The following SEC31B variants were observed in gnomAD, a reference collection of about 807,000 sequenced individuals.
The protein encoded by SEC31B is protein transport protein Sec31B.
SEC31B carries 113 observed loss-of-function variants against 135.0 expected under a neutral mutation model. The ratio of observed to expected loss-of-function variants is 0.84; its 90% CI spans 0.72 to 0.98. The LOEUF is 0.98. Ranked by LOEUF, SEC31B falls within the 50% of genes least tolerant of loss-of-function variation. The pLI, the probability that SEC31B is intolerant of heterozygous loss-of-function variation, is 0.00. For missense variants in SEC31B, 1,296 were observed against 1,421.1 expected, an observed-to-expected ratio of 0.91 and a Z score of 1.42; for synonymous variants, 508 against 549.4, an observed-to-expected ratio of 0.92 and a Z score of 1.05.
At chr10:100,500,295 G>A (rs554157492) in intron 11 of SEC31B, 3 of 406,232 alleles carry the variant, frequency 7.4e-6, no homozygotes, top group Non-Finnish European at 1.4e-5. Flanking sequence ...GCCTACAGTA[G>A]TCTTGTGAGT....
chr10:100,488,928 G>A lies in SEC31B; in HGVS notation c.3218C>T (p.Pro1073Leu), dbSNP rs765083454. The A allele has an allele frequency of 3.1e-6, 5 of 1,611,476 alleles. No individual in the cohort carries two copies. The highest frequency in any genetic ancestry group is 4.2e-6 in the Non-Finnish European group (5 of 1,179,192). The change falls in exon 24 of 26, where the codon CCA becomes CTA. Residue 1073 changes from proline (P) to leucine (L), a missense_variant. Coordinates refer to ENST00000370345, the MANE Select transcript of SEC31B (RefSeq NM_015490.4). Reference sequence around the variant, plus strand: ...GCTGCTCTTCAAGGACTGATGCTCTGGGGGCAGCTCCTTCCTTTCCATCTT... The same window carrying A: ...GCTGCTCTTCAAGGACTGATGCTCTAGGGGCAGCTCCTTCCTTTCCATCTT... ...PEKMERKELP[P>L]EHQSLKSSFE...
chr10:100,500,338 A>G (rs1851497706), intron 11 of SEC31B, among the ~76,000 whole-genome samples: 1 of 151,344 alleles, frequency 6.6e-6, no homozygotes, highest in African/African-American at 2.4e-5. Context: ...TTTTTTAGAC[A>G]GACTCTTGCT....
At chr10:100,516,319 G>T in intron 2 of SEC31B, 100 bp from the exon 3 acceptor site, 1 of 1,345,584 alleles carries the variant, frequency 7.4e-7, no homozygotes, top group South Asian at 1.4e-5. Context: ...GAAGAGGGCT[G>T]GGTATACCCT....
At chr10:100,508,774 C>T (rs1851681536) in intron 5 of SEC31B, 1 of 564,404 alleles carries the variant, frequency 1.8e-6, no homozygotes, top group Non-Finnish European at 3.2e-6. Context: ...ATCTGCCTCC[C>T]AGAAACTCTT....
chr10:100,491,284 AG>A (rs541961395), intron 19 of SEC31B, among the ~76,000 whole-genome samples: 1 of 152,230 alleles, frequency 6.6e-6, no homozygotes, highest in South Asian at 2.1e-4. Context: ...CTCCCAAAAA[AG>A]AAATCTCCAG....
In SEC31B at chr10:100,497,722, C is replaced by T; in HGVS notation, c.1935G>A (p.Glu645=). Residue 645 remains glutamate, a synonymous_variant, in exon 16 of 26, where the codon GAG becomes GAA. Coordinates refer to ENST00000370345, the MANE Select transcript of SEC31B (RefSeq NM_015490.4). ...AGTATGTCAGTAGCAAAGCCAGTGC[C>T]TCTCTCCAGTTCTTCAGGCTACAGG... ...VCTCSLKNWR[E]ALALLLTYSG... The T allele has an allele frequency of 6.2e-7, 1 of 1,614,234 alleles. No individual in the cohort carries two copies. Among genetic ancestry groups the T allele is most frequent in the Non-Finnish European group, 8.5e-7 (1 of 1,180,052 alleles).
intron 15 of SEC31B, 25 bp from the exon 16 acceptor site, chr10:100,497,818 G>C: frequency 6.2e-7 from 1 of 1,614,164 alleles, no homozygotes; most frequent in South Asian, 1.1e-5. Flanking sequence ...GAGGGAAAGA[G>C]ACCATCAGCC....
chr10:100,489,656 G>A lies in SEC31B; in HGVS notation c.3024+47C>T, dbSNP rs778307430. On this transcript the variant is annotated intron_variant, in intron 22 of 25. Transcript: ENST00000370345. ...GAATCCTCCAAGGAATTAGAACGTG[G>A]TCATTGGTGAATGTGCGAGGGAGTG... 1.1e-5 allele frequency: 18 copies of A among 1,613,498 alleles called. No homozygotes were observed. In the South Asian group the frequency reaches 1.9e-4, roughly 17 times the overall value.
intron 11 of SEC31B, among the ~76,000 whole-genome samples, chr10:100,501,014 C>T (rs910173240): frequency 1.3e-5 from 2 of 151,104 alleles, no homozygotes; most frequent in African/African-American, 4.9e-5. Context: ...CGAGACTAGC[C>T]TGGCCAACAT....
chr10:100,519,114 A>T (rs1262737797), intron 1 of SEC31B, among the ~76,000 whole-genome samples: 1 of 152,224 alleles, frequency 6.6e-6, no homozygotes, highest in African/African-American at 2.4e-5. Flanking sequence ...CCGGGATGTG[A>T]ACCCCCATCA....
intron 19 of SEC31B, chr10:100,495,048 G>A (rs1297652649): frequency 3.2e-5 from 10 of 315,448 alleles, no homozygotes; most frequent in South Asian, 8.4e-5. Flanking sequence ...GGATGGTCTC[G>A]AACTCCAAAC....
chr10:100,506,437 A>G lies in SEC31B; in HGVS notation c.783-17T>C. 1 of 1,612,524 alleles carries G rather than the reference A, an allele frequency of 6.2e-7. No homozygotes were observed. ...AAGATCCCCCTAAAAAGAGAAGGGA[A>G]GAGGAACTAGCATTTGTTGAATGCC... On this transcript the variant is annotated splice_polypyrimidine_tract_variant and intron_variant, in intron 7 of 25. Transcript: ENST00000370345.
chr10:100,488,881 A>G lies in SEC31B; in HGVS notation c.3265T>C (p.Cys1089Arg), dbSNP rs1250365992. Reference protein sequence around the residue: ...KSSFEALLQRCSLSATDLKTK... With the variant: ...KSSFEALLQRRSLSATDLKTK... Reference sequence around the variant, plus strand: ...ACTAAGTCAGTTGCAGACAGGGAGCAGCGTTGGAGAAGCGCCTCAAAGCTG... The same window carrying G: ...ACTAAGTCAGTTGCAGACAGGGAGCGGCGTTGGAGAAGCGCCTCAAAGCTG... The change falls in exon 24 of 26, where the codon TGC becomes CGC. Residue 1089 changes from cysteine to arginine, a missense_variant. Coordinates refer to ENST00000370345, the MANE Select transcript of SEC31B (RefSeq NM_015490.4). 5.6e-6 allele frequency: 9 copies of G among 1,603,298 alleles called. No individual in the cohort carries two copies. Among genetic ancestry groups the G allele is most frequent in the Non-Finnish European group, 7.7e-6 (9 of 1,175,666 alleles).
Position 100,490,699 on chromosome 10 carries a change from C to A in SEC31B, c.2650+7G>T. ...CTGCCCAGATAGATCTTCAGTGACT[C>A]ACTCACCAGGCCTTACCCCAGGGCT... On this transcript the variant is annotated splice_region_variant and intron_variant, in intron 20 of 25. Transcript: ENST00000370345. 1.3e-6 allele frequency: 2 copies of A among 1,560,910 alleles called. No homozygotes were observed. The highest frequency in any genetic ancestry group is 1.9e-5 in the Admixed American group (1 of 53,766).
At chr10:100,489,938 A>C in intron 21 of SEC31B, 70 bp downstream of exon 21, 1 of 1,530,700 alleles carries the variant, frequency 6.5e-7, no homozygotes. Flanking sequence ...TTGAGGAAAG[A>C]CTCCCAAAGT....
intron 3 of SEC31B, among the ~76,000 whole-genome samples, chr10:100,513,113 T>A (rs1199784315): frequency 1.3e-5 from 2 of 152,246 alleles, no homozygotes. Flanking sequence ...TGGAACAGAA[T>A]GAAGTGGGTG....
At chr10:100,506,702 T>C (rs189018863) in intron 7 of SEC31B, among the ~76,000 whole-genome samples, 34 of 152,342 alleles carry the variant, frequency 2.2e-4, no homozygotes, top group Non-Finnish European at 4.6e-4. Flanking sequence ...CCTGCTTCTT[T>C]TCACTGATTA....
At chr10:100,488,753 A>G (rs558709239) in intron 24 of SEC31B, 105 bp downstream of exon 24, 5 of 1,396,244 alleles carry the variant, frequency 3.6e-6, no homozygotes, top group Non-Finnish European at 4.8e-6. Context: ...CAGCATGTCC[A>G]GGGGCAGTGA....
chr10:100,510,432 A>G (rs1035976584), intron 3 of SEC31B, among the ~76,000 whole-genome samples: 1 of 152,242 alleles, frequency 6.6e-6, no homozygotes, highest in African/African-American at 2.4e-5. Flanking sequence ...GTCTTGCCCC[A>G]GAGAAAAAGA....
Sources: allele counts gnomAD v4.1 joint callset (sites outside exome capture counted in the v4.1 genomes callset), GRCh38; gene constraint gnomAD v4.1.1; transcripts MANE v1.5; gene names NCBI Gene and HGNC (gene_info 2026-07-23, HGNC 2026-07-21).